The following ACYP2 variants were observed in gnomAD, a reference collection of about 807,000 sequenced individuals.
The protein encoded by ACYP2 is acylphosphatase 2.
A neutral mutation model predicts 11.2 loss-of-function variants in ACYP2; 12 were observed. The ratio of observed to expected loss-of-function variants is 1.08; its 90% CI spans 0.69 to 1.74. The LOEUF is 1.74. Ranked by LOEUF, ACYP2 falls within the 40% of genes most tolerant of loss-of-function variation. The pLI is 0.00. For synonymous variants in ACYP2, 43 were observed against 32.2 expected (o/e 1.33, Z -1.13); for missense variants, 134 against 101.9 (o/e 1.31, Z -1.35).
intron 4 of ACYP2, among the ~76,000 whole-genome samples, chr2:54,073,043 T>C (rs992576705): frequency 6.6e-6 from 1 of 152,220 alleles, no homozygotes; most frequent in African/African-American, 2.4e-5. Flanking sequence ...GCTAGACTTA[T>C]GATCAGTAGA....
intron 6 of ACYP2, among the ~76,000 whole-genome samples, chr2:54,209,639 C>G (rs1270427814): frequency 6.6e-6 from 1 of 152,154 alleles, no homozygotes; most frequent in Non-Finnish European, 1.5e-5. Flanking sequence ...ACCGTCCTAT[C>G]TCTTCAGAAA....
At chr2:53,992,759 A>G (rs941453920) in intron 2 of ACYP2, among the ~76,000 whole-genome samples, 2 of 149,520 alleles carry the variant, frequency 1.3e-5, no homozygotes, top group Non-Finnish European at 3.0e-5. Flanking sequence ...TCAAACCAGG[A>G]GGCTGAGGTT....
At chr2:54,206,987 T>G (rs1183751076) in intron 6 of ACYP2, among the ~76,000 whole-genome samples, 1 of 151,978 alleles carries the variant, frequency 6.6e-6, no homozygotes, top group East Asian at 1.9e-4. Context: ...GTATTAGAGT[T>G]CTCTAGAGAA....
chr2:54,230,366 G>T (rs963233323), intron 6 of ACYP2, among the ~76,000 whole-genome samples: 1 of 151,782 alleles, frequency 6.6e-6, no homozygotes, highest in East Asian at 1.9e-4. Flanking sequence ...TTCGTTTTTT[G>T]TTTTTTTGAG....
intron 2 of ACYP2, among the ~76,000 whole-genome samples, chr2:54,014,077 G>A (rs111504656): frequency 0.016 from 2,442 of 152,036 alleles, 37 homozygotes; most frequent in African/African-American, 0.038. Context: ...GGAATCGCTT[G>A]AACCTGGGAG....
At chr2:53,993,676 G>A (rs376389201) in intron 2 of ACYP2, among the ~76,000 whole-genome samples, 86 of 150,834 alleles carry the variant, frequency 5.7e-4, no homozygotes, top group African/African-American at 2.0e-3. Flanking sequence ...CAGCCTGAGC[G>A]ACAGAGTGAG....
intron 4 of ACYP2, among the ~76,000 whole-genome samples, chr2:54,058,207 A>G (rs1042608939): frequency 6.6e-6 from 1 of 151,514 alleles, no homozygotes; most frequent in Non-Finnish European, 1.5e-5. Flanking sequence ...TAAGCTCTGG[A>G]CTTATTCTCA....
chr2:54,179,009 G>C (rs965552367), intron 6 of ACYP2, among the ~76,000 whole-genome samples: 3 of 152,156 alleles, frequency 2.0e-5, no homozygotes, highest in East Asian at 1.9e-4. Flanking sequence ...AGCAGATTCA[G>C]TGTCTGGTTG....
intron 2 of ACYP2, among the ~76,000 whole-genome samples, chr2:53,993,267 C>T (rs1412142660): frequency 6.6e-6 from 1 of 151,594 alleles, no homozygotes; most frequent in Non-Finnish European, 1.5e-5. Context: ...GATCAGAAAT[C>T]AGAAGTTATT....
chr2:53,982,253 C>A (rs951246592), intron 2 of ACYP2, among the ~76,000 whole-genome samples: 1 of 152,208 alleles, frequency 6.6e-6, no homozygotes, highest in Non-Finnish European at 1.5e-5. Context: ...CACACTTGAT[C>A]ACATCTGATA....
At chr2:54,102,966 T>C (rs1678978473) in intron 4 of ACYP2, among the ~76,000 whole-genome samples, 1 of 152,184 alleles carries the variant, frequency 6.6e-6, no homozygotes, top group Non-Finnish European at 1.5e-5. Flanking sequence ...TTCCAAATTG[T>C]GTCCATCCCT....
chr2:54,025,747 G>A (rs957412804), intron 2 of ACYP2, among the ~76,000 whole-genome samples: 13 of 152,226 alleles, frequency 8.5e-5, no homozygotes, highest in African/African-American at 3.1e-4. Flanking sequence ...AAATAGATGG[G>A]ACTTAATTAA....
At chr2:54,131,937 G>A (rs1289013740) in intron 4 of ACYP2, among the ~76,000 whole-genome samples, 1 of 152,178 alleles carries the variant, frequency 6.6e-6, no homozygotes, top group South Asian at 2.1e-4. Flanking sequence ...AAACTCTCAG[G>A]TGCTGCTGTT....
At chr2:54,126,382 C>G (rs188201981) in intron 4 of ACYP2, among the ~76,000 whole-genome samples, 1 of 152,220 alleles carries the variant, frequency 6.6e-6, no homozygotes, top group Non-Finnish European at 1.5e-5. Context: ...GATGGACAAC[C>G]TAAGTCTTTT....
At chr2:54,159,184 A>T (rs1262800721) in intron 6 of ACYP2, among the ~76,000 whole-genome samples, 1 of 152,008 alleles carries the variant, frequency 6.6e-6, no homozygotes, top group Non-Finnish European at 1.5e-5. Context: ...AAAAAAAAAA[A>T]AATCCTCAAA....
rs545461236 is a variant in ACYP2, at chr2:54,125,115, T to A, written c.278-10338T>A. ...CCAAATTAACATATGCACATGGATT[T>A]AAAAAAAAAAACTCAAAACAGTATA... is the stretch of plus-strand genomic sequence containing the variant. On this transcript the variant is annotated intron_variant, in intron 4 of 6. Transcript: ENST00000607452. Among the ~76,000 whole-genome samples the A allele has an allele frequency of 1.9e-3, 287 of 147,698 alleles. 3 individuals are homozygous for A. Among genetic ancestry groups the A allele is most frequent in the African/African-American group, 6.7e-3 (270 of 40,314 alleles).
intron 2 of ACYP2, among the ~76,000 whole-genome samples, chr2:54,046,186 A>AAAAAAAGG: frequency 6.6e-6 from 1 of 151,246 alleles, no homozygotes; most frequent in Admixed American, 6.6e-5. Flanking sequence ...AAAAAAAAAA[A>AAAAAAAGG]AAAAAAGGTC....
At chr2:54,022,423 C>A (rs1427509136) in intron 2 of ACYP2, among the ~76,000 whole-genome samples, 4 of 152,050 alleles carry the variant, frequency 2.6e-5, no homozygotes, top group Admixed American at 2.6e-4. Context: ...ACTCTGTCAC[C>A]CATGCTAGAG....
chr2:54,290,546 T>TAA (rs1250765711), intron 6 of ACYP2, among the ~76,000 whole-genome samples: 3 of 150,006 alleles, frequency 2.0e-5, no homozygotes, highest in Non-Finnish European at 4.4e-5. Flanking sequence ...GAAAAGGGAT[T>TAA]AAAAACTAGG....
Sources: gnomAD v4.1 joint callset for allele counts (sites outside exome capture counted in the v4.1 genomes callset) on GRCh38, gnomAD v4.1.1 for gene constraint, MANE v1.5 for transcripts, NCBI Gene and HGNC (gene_info 2026-07-23, HGNC 2026-07-21) for gene names.